The following PACSIN1 variants were observed in gnomAD, a reference collection of about 807,000 sequenced individuals.
PACSIN1 encodes protein kinase C and casein kinase substrate in neurons 1, also known as protein kinase C and casein kinase substrate in neurons protein 1.
Under a neutral mutation model 59.5 loss-of-function variants are expected in PACSIN1, and 15 were observed. The observed-to-expected ratio is 0.25, with a 90% confidence interval of 0.17 to 0.39. The LOEUF (loss-of-function observed/expected upper bound fraction) is 0.39. Ranked by LOEUF, PACSIN1 falls within the 10% of genes least tolerant of loss-of-function variation. The probability of loss-of-function intolerance (pLI) is 1.00; values close to 1 mark genes in which losing one functional copy is unlikely to be tolerated. For synonymous variants in PACSIN1, 210 were observed against 220.6 expected, an observed-to-expected ratio of 0.95 and a Z score of 0.42; for missense variants, 420 against 580.2, an observed-to-expected ratio of 0.72 and a Z score of 2.84.
intron 1 of PACSIN1, among the ~76,000 whole-genome samples, chr6:34,502,062 T>C (rs1767033733): frequency 6.6e-6 from 1 of 150,784 alleles, no homozygotes; most frequent in Non-Finnish European, 1.5e-5. Context: ...AGCAAATTAT[T>C]GGGGCCCACT....
chr6:34,471,212 T>C (rs998027171), intron 1 of PACSIN1, among the ~76,000 whole-genome samples: 10 of 152,306 alleles, frequency 6.6e-5, no homozygotes, highest in Admixed American at 6.5e-4. Flanking sequence ...CCTCCCAAAG[T>C]GCTGGGATTA....
intron 1 of PACSIN1, among the ~76,000 whole-genome samples, chr6:34,487,329 C>T (rs147666617): frequency 1.3e-5 from 2 of 152,320 alleles, no homozygotes; most frequent in African/African-American, 2.4e-5. Flanking sequence ...AGTCTTCTGA[C>T]TGTCAGGATC....
chr6:34,523,729 G>A (rs1222289942), intron 1 of PACSIN1, among the ~76,000 whole-genome samples: 5 of 152,206 alleles, frequency 3.3e-5, no homozygotes, highest in East Asian at 1.9e-4. Context: ...AGGACATGGC[G>A]TTTGTCCAGA....
At chr6:34,497,572 G>T (rs1766966521) in intron 1 of PACSIN1, among the ~76,000 whole-genome samples, 1 of 152,148 alleles carries the variant, frequency 6.6e-6, no homozygotes, top group Non-Finnish European at 1.5e-5. Flanking sequence ...GGGTGTGCGT[G>T]CCCCAGCCCT....
intron 1 of PACSIN1, among the ~76,000 whole-genome samples, chr6:34,480,946 C>T (rs1766709855): frequency 6.7e-6 from 1 of 149,036 alleles, no homozygotes; most frequent in African/African-American, 2.5e-5. Context: ...TTTTCATTAT[C>T]ATTATGGATT....
At chr6:34,492,649 TG>T (rs1467979306) in intron 1 of PACSIN1, among the ~76,000 whole-genome samples, 1 of 152,254 alleles carries the variant, frequency 6.6e-6, no homozygotes, top group Non-Finnish European at 1.5e-5. Flanking sequence ...CCCAAAGTGC[TG>T]GGATTACAGG....
intron 1 of PACSIN1, among the ~76,000 whole-genome samples, chr6:34,510,801 C>T (rs182568776): frequency 2.3e-3 from 351 of 152,352 alleles, no homozygotes; most frequent in African/African-American, 8.0e-3. Context: ...CAACCTCCGC[C>T]TCCTGGGTTC....
intron 1 of PACSIN1, among the ~76,000 whole-genome samples, chr6:34,498,205 G>A (rs1766975048): frequency 6.6e-6 from 1 of 152,086 alleles, no homozygotes. Context: ...GGGACTACAG[G>A]TGCGCGCCGC....
At chr6:34,470,396 G>A (rs1766554479) in intron 1 of PACSIN1, among the ~76,000 whole-genome samples, 1 of 152,032 alleles carries the variant, frequency 6.6e-6, no homozygotes, top group Non-Finnish European at 1.5e-5. Context: ...GGCCAGGCTG[G>A]TCTTGAACTC....
At chr6:34,517,968 T>C (rs961931828) in intron 1 of PACSIN1, among the ~76,000 whole-genome samples, 1 of 152,206 alleles carries the variant, frequency 6.6e-6, no homozygotes, top group African/African-American at 2.4e-5. Flanking sequence ...TGGCTCAGCA[T>C]CTGTGCTGTC....
rs753132939 is a variant in PACSIN1 at position 34,512,451 on chromosome 6, G to C, written c.-63-13792G>C. On this transcript the variant is annotated intron_variant, in intron 1 of 9. Transcript: ENST00000244458. ...AGGGCTGGGGGCCGGCAGGTGGGCA[G>C]GGGGCTCTGCTTACAGCACCTGGGA... Among the ~76,000 whole-genome samples the C allele has an allele frequency of 1.5e-3, 223 of 152,194 alleles. 2 individuals are homozygous for C. The highest frequency in any genetic ancestry group is 3.3e-3 in the Admixed American group (50 of 15,288).
Position 34,526,256 on chromosome 6 carries a change from G to T in PACSIN1, c.-50G>T. 1.3e-6 allele frequency: 2 copies of T among 1,502,868 alleles called. No homozygotes were observed. The highest frequency in any genetic ancestry group is 9.2e-7 in the Non-Finnish European group (1 of 1,084,276). The allele number at this position is 1,502,868 out of a possible 1,614,324, so 93.1% of individuals were successfully genotyped here. A position where few individuals can be genotyped will look rare whatever the true frequency, so the allele number is the denominator to read the frequency against. On this transcript the variant is annotated 5_prime_UTR_variant, in exon 2 of 10. Transcript: ENST00000244458. ...CTGCCCTCCCAGTGCATGAGCAGCC[G>T]AGCCTGCTAACCGCAGCTCCGCACT...
Position 34,526,246 on chromosome 6 carries a change from A to T in PACSIN1, c.-60A>T. 1 of 1,414,458 alleles carries T rather than the reference A, an allele frequency of 7.1e-7. No individual in the cohort carries two copies. Among genetic ancestry groups the T allele is most frequent in the Non-Finnish European group, 9.9e-7 (1 of 1,005,462 alleles). 87.6% of individuals were successfully genotyped at this position (1,414,458 alleles called of 1,614,324 possible). A position where few individuals can be genotyped will look rare whatever the true frequency, so the allele number is the denominator to read the frequency against. Reference sequence around the variant, plus strand: ...GATCTCTCTCCTGCCCTCCCAGTGCATGAGCAGCCGAGCCTGCTAACCGCA... The same window carrying T: ...GATCTCTCTCCTGCCCTCCCAGTGCTTGAGCAGCCGAGCCTGCTAACCGCA... On this transcript the variant is annotated 5_prime_UTR_variant, in exon 2 of 10. An upstream start codon of the reference 5' UTR is lost. Coordinates refer to ENST00000244458, the MANE Select transcript of PACSIN1 (RefSeq NM_020804.5).
In PACSIN1 at chr6:34,511,156, A is replaced by C. The variant is rs1216114118; in HGVS notation, c.-63-15087A>C. On this transcript the variant is annotated intron_variant, in intron 1 of 9. Transcript: ENST00000244458. ...CTAGAGCAGTGCTGCACATAGTTGCAGTCAAGAAATGCTTGTTAAATGCAT... is the reference window on the plus strand; with the variant it reads ...CTAGAGCAGTGCTGCACATAGTTGCCGTCAAGAAATGCTTGTTAAATGCAT... 3.9e-5 allele frequency among the ~76,000 whole-genome samples: 6 copies of C among 152,238 alleles called. No individual in the cohort carries two copies. In the East Asian group the frequency reaches 1.2e-3, roughly 29 times the overall value.
At chr6:34,476,954 G>A (rs563721333) in intron 1 of PACSIN1, among the ~76,000 whole-genome samples, 3 of 152,314 alleles carry the variant, frequency 2.0e-5, no homozygotes, top group South Asian at 4.1e-4. Flanking sequence ...GCAGTAGCTC[G>A]GGGGTGGGCA....
chr6:34,500,761 T>C (rs961310099), intron 1 of PACSIN1, among the ~76,000 whole-genome samples: 36 of 152,262 alleles, frequency 2.4e-4, no homozygotes, highest in African/African-American at 7.0e-4. Flanking sequence ...GAAGACTATT[T>C]CATGGACATG....
At chr6:34,510,480 C>T (rs369601097) in intron 1 of PACSIN1, among the ~76,000 whole-genome samples, 3 of 152,188 alleles carry the variant, frequency 2.0e-5, no homozygotes, top group South Asian at 2.1e-4. Context: ...TCCATTCATC[C>T]GCCCTCCCAT....
chr6:34,512,696 C>A (rs77579349), intron 1 of PACSIN1, among the ~76,000 whole-genome samples: 12,055 of 152,298 alleles, frequency 0.079, 514 homozygotes, highest in Non-Finnish European at 0.091. Flanking sequence ...GTGCCCACCA[C>A]TTGACTGGGA....
rs751385667 is a variant in PACSIN1, at chr6:34,531,626, C to T, written c.1064C>T (p.Pro355Leu). 5 of 1,614,004 alleles carry T rather than the reference C, an allele frequency of 3.1e-6. No individual in the cohort carries two copies. Among genetic ancestry groups the T allele is most frequent in the Non-Finnish European group, 4.2e-6 (5 of 1,180,022 alleles). The change falls in exon 9 of 10, where the codon CCC (proline) becomes CTC (leucine). Residue 355 changes from proline to leucine, a missense_variant. Physicochemically the swap from Pro to Leu is moderately conservative, Grantham distance 98. Coordinates refer to ENST00000244458, the MANE Select transcript of PACSIN1 (RefSeq NM_020804.5). This position sits in a 1 kb window ranked among gnomAD's most constrained non-coding sequence, Gnocchi z 4.4. ...GSVSSYDRGQ[P>L]YATEWSDDES... ...GTTAGCAGCTACGACAGAGGCCAGC[C>T]CTACGCCACCGAGTGGTCAGACGAC...
Sources: gnomAD v4.1 joint callset for allele counts (sites outside exome capture counted in the v4.1 genomes callset) on GRCh38, gnomAD v4.1.1 for gene constraint, Gnocchi (gnomAD v3.1) non-coding constraint, MANE v1.5 for transcripts, NCBI Gene and HGNC (gene_info 2026-07-23, HGNC 2026-07-21) for gene names.